The following CABIN1 variants were observed in gnomAD, a reference collection of about 807,000 sequenced individuals.
CABIN1 encodes calcineurin binding protein 1.
A neutral mutation model predicts 227.7 loss-of-function variants in CABIN1; 133 were observed. The observed-to-expected ratio is 0.58, with a 90% confidence interval of 0.51 to 0.67. The LOEUF is 0.67. Ranked by LOEUF, CABIN1 falls within the 30% of genes least tolerant of loss-of-function variation. The probability of loss-of-function intolerance (pLI) is 0.00; values close to 1 mark genes in which losing one functional copy is unlikely to be tolerated. For synonymous variants in CABIN1, 1,086 were observed against 1,155.1 expected (o/e 0.94, Z 1.21); for missense variants, 2,408 against 2,852.5 (o/e 0.84, Z 3.55).
At chr22:24,031,199 G>C (rs142107360) in intron 1 of CABIN1, among the ~76,000 whole-genome samples, 1 of 152,162 alleles carries the variant, frequency 6.6e-6, no homozygotes, top group Admixed American at 6.5e-5. Context: ...GCTAGCACGT[G>C]TCCTGCAGAA....
intron 30 of CABIN1, 49 bp downstream of exon 30, chr22:24,164,612 G>A: frequency 6.3e-7 from 1 of 1,586,126 alleles, no homozygotes. Context: ...GTGGGTCAGG[G>A]GCACACACAC....
intron 5 of CABIN1, 24 bp from the exon 6 acceptor site, chr22:24,042,880 G>GTTCAAGGAGAGATCTGA (rs2037534365): frequency 7.4e-7 from 1 of 1,353,820 alleles, no homozygotes; most frequent in African/African-American, 1.5e-5. Flanking sequence ...GTGTGTGTTT[G>GTTCAAGGAGAGATCTGA]CCCTCTGCTT....
chr22:24,172,598 C>T (rs1364796212), intron 34 of CABIN1, among the ~76,000 whole-genome samples: 3 of 152,202 alleles, frequency 2.0e-5, no homozygotes, highest in Admixed American at 2.0e-4. Flanking sequence ...GACAAAGGTG[C>T]GGGCAGTAGA....
Position 24,150,883 on chromosome 22 carries a change from G to A in CABIN1, c.4747-13517G>A, listed in dbSNP as rs1188362609. Reference sequence around the variant, plus strand: ...CCCTGTCCCATTCCCTCACATAAGGGGTGGGAGGCCTTGGTGCCGTAATGG... The same window carrying A: ...CCCTGTCCCATTCCCTCACATAAGGAGTGGGAGGCCTTGGTGCCGTAATGG... On this transcript the variant is annotated intron_variant, in intron 29 of 36. Coordinates refer to ENST00000263119, the MANE Select transcript of CABIN1 (RefSeq NM_012295.4). Among the ~76,000 whole-genome samples the A allele has an allele frequency of 2.0e-5, 3 of 152,186 alleles. No homozygotes were observed. The East Asian group carries it at 5.8e-4, about 29-fold the overall frequency.
intron 29 of CABIN1, among the ~76,000 whole-genome samples, chr22:24,142,821 C>T (rs1487115668): frequency 6.6e-6 from 1 of 152,192 alleles, no homozygotes; most frequent in Non-Finnish European, 1.5e-5. Context: ...CCTACCTTCT[C>T]TCATCAGGGC....
chr22:24,164,368 C>A, intron 29 of CABIN1, 32 bp from the exon 30 acceptor site: 2 of 1,599,872 alleles, frequency 1.3e-6, no homozygotes, highest in Non-Finnish European at 1.7e-6. Context: ...CACAACCACC[C>A]CCCTCACACA....
chr22:24,119,506 G>C lies in CABIN1; in HGVS notation c.4440G>C (p.Gly1480=). ...PSASTPTLWD[G]KKRGDLPGEP... is the part of the protein sequence containing the mutation. ...CATCCACACCCACCCTGTGGGATGG[G>C]AAGAAGAGAGGGGACCTCCCAGGGG... The change falls in exon 28 of 37, where the codon GGG becomes GGC. Residue 1480 remains glycine, a synonymous_variant. Coordinates refer to ENST00000263119, the MANE Select transcript of CABIN1 (RefSeq NM_012295.4). The C allele has an allele frequency of 6.2e-7, 1 of 1,614,020 alleles. No homozygotes were observed. The highest frequency in any genetic ancestry group is 8.5e-7 in the Non-Finnish European group (1 of 1,180,030).
At chr22:24,135,898 C>T (rs897631259) in intron 29 of CABIN1, among the ~76,000 whole-genome samples, 2 of 152,310 alleles carry the variant, frequency 1.3e-5, no homozygotes, top group East Asian at 1.9e-4. Flanking sequence ...ATCCATGGCT[C>T]CTCCTCTCCC....
intron 29 of CABIN1, among the ~76,000 whole-genome samples, chr22:24,161,565 T>C (rs1602424620): frequency 1.3e-5 from 2 of 152,148 alleles, no homozygotes; most frequent in Non-Finnish European, 2.9e-5. Context: ...TGCCCATCTA[T>C]GATCCTGCCT....
chr22:24,124,755 C>T (rs530522563), intron 28 of CABIN1, among the ~76,000 whole-genome samples: 61 of 152,128 alleles, frequency 4.0e-4, no homozygotes, highest in Non-Finnish European at 6.0e-4. Context: ...AGGAAAAAGG[C>T]CAAGGCATAG....
chr22:24,103,627 G>A (rs551972098), intron 26 of CABIN1, among the ~76,000 whole-genome samples: 1 of 152,270 alleles, frequency 6.6e-6, no homozygotes, highest in African/African-American at 2.4e-5. Flanking sequence ...ACTGTAAGTG[G>A]AGCTCAGTTT....
chr22:24,161,270 AG>A (rs2046137381), intron 29 of CABIN1, among the ~76,000 whole-genome samples: 1 of 152,140 alleles, frequency 6.6e-6, no homozygotes, highest in African/African-American at 2.4e-5. Context: ...AGTGTCTTTA[AG>A]TCCTCTGAGG....
intron 29 of CABIN1, among the ~76,000 whole-genome samples, chr22:24,161,767 C>T (rs898887949): frequency 2.6e-5 from 4 of 152,226 alleles, no homozygotes; most frequent in African/African-American, 9.6e-5. Flanking sequence ...GGGCTGAATG[C>T]AGTGGGGCTT....
In CABIN1 at chr22:24,178,056, G is replaced by A. The variant is rs750464477; in HGVS notation, c.6523G>A (p.Ala2175Thr). The A allele has an allele frequency of 1.2e-6, 2 of 1,613,638 alleles. No individual in the cohort carries two copies. Among genetic ancestry groups the A allele is most frequent in the Admixed American group, 3.3e-5 (2 of 60,020 alleles). The change falls in exon 37 of 37, where the codon GCC (alanine) becomes ACC (threonine). Residue 2175 changes from alanine to threonine, a missense_variant. Ala to Thr is a moderately conservative substitution (Grantham distance 58). Transcript: ENST00000263119. ...CCCCGCCCGGCCCTCTCCGCAGTCA[G>A]CCATCCTTTCTGCCCAGTCTGCTGC... ...SEETKQKLKS[A>T]ILSAQSAANV... is the part of the protein sequence containing the mutation.
intron 24 of CABIN1, among the ~76,000 whole-genome samples, chr22:24,094,930 C>G (rs1170227552): frequency 1.3e-5 from 2 of 151,910 alleles, no homozygotes; most frequent in Non-Finnish European, 2.9e-5. Context: ...ATTCAAGAAT[C>G]TTTACTCGCC....
chr22:24,074,986 A>G lies in CABIN1; in HGVS notation c.2633-1183A>G, dbSNP rs183289879. Among the ~76,000 whole-genome samples, 6 of 152,326 alleles carry G rather than the reference A, an allele frequency of 3.9e-5. No homozygotes were observed. The East Asian group carries it at 1.2e-3, about 29-fold the overall frequency. On this transcript the variant is annotated intron_variant, in intron 18 of 36. Transcript: ENST00000263119. ...GGCAGAAAGATTACATGGGGCCAGG[A>G]GTTTGAAGCCAGCCCAGGCAACGTA...
intron 1 of CABIN1, among the ~76,000 whole-genome samples, chr22:24,034,042 C>A (rs1474849359): frequency 6.6e-6 from 1 of 152,244 alleles, no homozygotes; most frequent in Non-Finnish European, 1.5e-5. Context: ...ATGAAACTTT[C>A]ACTTCACATC....
intron 29 of CABIN1, among the ~76,000 whole-genome samples, chr22:24,162,634 C>A (rs2046223708): frequency 1.3e-5 from 2 of 152,232 alleles, no homozygotes. Flanking sequence ...TGCTGCCTTT[C>A]AAGCCTCTCA....
At position 24,040,692 on chromosome 22, in the gene CABIN1, A is replaced by AT. The variant is rs573219854; in HGVS notation, c.211-446dup. Among the ~76,000 whole-genome samples the AT allele has an allele frequency of 3.9e-4, 60 of 152,352 alleles. No homozygotes were observed. In the East Asian group the frequency reaches 0.01, roughly 26 times the overall value. On this transcript the variant is annotated intron_variant, in intron 4 of 36. Transcript: ENST00000263119. Reference sequence around the variant, plus strand: ...ATTGTCTATGCTCATGTGATGAGTTATAGAGTTGGGAGCTCAGTCTCTTGA... The same window carrying AT: ...ATTGTCTATGCTCATGTGATGAGTTATTAGAGTTGGGAGCTCAGTCTCTTGA...
Sources: allele counts gnomAD v4.1 joint callset (sites outside exome capture counted in the v4.1 genomes callset), GRCh38; gene constraint gnomAD v4.1.1; transcripts MANE v1.5; gene names NCBI Gene and HGNC (gene_info 2026-07-23, HGNC 2026-07-21).